KIF16B: variants seen among roughly 807,000 people sequenced by gnomAD.
The protein encoded by KIF16B is kinesin family member 16B, also known as kinesin-like protein KIF16B.
Under a neutral mutation model 156.3 loss-of-function variants are expected in KIF16B, and 98 were observed. The observed-to-expected ratio is 0.63, with a 90% CI of 0.53 to 0.74. The LOEUF is 0.74. Ranked by LOEUF, KIF16B falls within the 30% of genes least tolerant of loss-of-function variation. The pLI is 0.00. For missense variants in KIF16B, 1,421 were observed against 1,606.5 expected, an observed-to-expected ratio of 0.88 and a Z score of 1.97; for synonymous variants, 564 against 583.7, an observed-to-expected ratio of 0.97 and a Z score of 0.49.
At chr20:16,350,557 G>A (rs2064317424) in intron 23 of KIF16B, among the ~76,000 whole-genome samples, 1 of 152,078 alleles carries the variant, frequency 6.6e-6, no homozygotes, top group Non-Finnish European at 1.5e-5. Flanking sequence ...GGGGAGGAGG[G>A]AAGATGGGAG....
intron 12 of KIF16B, among the ~76,000 whole-genome samples, chr20:16,487,299 T>C (rs576641157): frequency 1.4e-3 from 214 of 151,428 alleles, no homozygotes; most frequent in African/African-American, 4.8e-3. Flanking sequence ...CCACAAAAAA[T>C]GTTGTCTCTC....
At chr20:16,444,340 T>G (rs1174603781) in intron 12 of KIF16B, among the ~76,000 whole-genome samples, 2 of 151,974 alleles carry the variant, frequency 1.3e-5, no homozygotes, top group African/African-American at 4.8e-5. Context: ...ATGGCTGGAA[T>G]GCTAAGAGTG....
chr20:16,559,598 A>G (rs2070983405), intron 1 of KIF16B, among the ~76,000 whole-genome samples: 1 of 140,448 alleles, frequency 7.1e-6, no homozygotes, highest in African/African-American at 2.7e-5. Flanking sequence ...AGGAGACCCC[A>G]TCTCTACAAA....
chr20:16,380,021 G>A lies in KIF16B; in HGVS notation c.1981C>T (p.Arg661Cys), dbSNP rs754829888. The part of the protein sequence containing the change: ...IRKQEESLKR[R>C]SFHIENKLKD... ...AGCTTGTTCTCGATGTGGAAGCTGC[G>A]GCGTTTGAGGCTCTCCTCCTGCTTG... is the stretch of plus-strand genomic sequence containing the variant. The change falls in exon 19 of 26, where the codon CGC becomes TGC. Residue 661 changes from arginine to cysteine, a missense_variant. Physicochemically the swap from Arg to Cys is radical, Grantham distance 180. Transcript: ENST00000354981. 37 of 1,596,602 alleles carry A rather than the reference G, an allele frequency of 2.3e-5. No individual in the cohort carries two copies. The highest frequency in any genetic ancestry group is 2.8e-5 in the Non-Finnish European group (33 of 1,173,118).
At chr20:16,443,618 C>T (rs994040553) in intron 12 of KIF16B, among the ~76,000 whole-genome samples, 1 of 152,156 alleles carries the variant, frequency 6.6e-6, no homozygotes, top group Admixed American at 6.6e-5. Context: ...CAATACTTTA[C>T]ACAAGTATTC....
At chr20:16,552,577 C>T (rs1293274799) in intron 1 of KIF16B, among the ~76,000 whole-genome samples, 2 of 152,144 alleles carry the variant, frequency 1.3e-5, no homozygotes, top group South Asian at 4.1e-4. Flanking sequence ...TTCCACAGCA[C>T]CACAGCATCC....
chr20:16,439,869 C>T (rs111410887), intron 12 of KIF16B, among the ~76,000 whole-genome samples: 17,157 of 152,076 alleles, frequency 0.11, 1,187 homozygotes, highest in Non-Finnish European at 0.17. Flanking sequence ...GAAAGACCTG[C>T]CCCCGTGATT....
chr20:16,487,483 CTT>C (rs1369035599), intron 12 of KIF16B, among the ~76,000 whole-genome samples: 3 of 152,124 alleles, frequency 2.0e-5, no homozygotes, highest in Non-Finnish European at 4.4e-5. Context: ...CAATACACAT[CTT>C]CTCCACAAAA....
Position 16,486,860 on chromosome 20 carries a change from C to T in KIF16B, c.1302+7431G>A, listed in dbSNP as rs6044013. Among the ~76,000 whole-genome samples the T allele has an allele frequency of 1.5e-3, 223 of 152,244 alleles. 1 individual carries two copies. The highest frequency in any genetic ancestry group is 4.8e-3 in the African/African-American group (201 of 41,534). The stretch of plus-strand genomic sequence containing the variant: ...AACCCATGGCTGAAAGAAATGTCTC[C>T]TCCTTCATCTAAAATCTAGGAGAAA... On this transcript the variant is annotated intron_variant, in intron 12 of 25. Transcript: ENST00000354981.
rs778263383 is a variant in KIF16B, at chr20:16,379,110, G to A, written c.2892C>T (p.Asn964=). 6.2e-7 allele frequency: 1 copy of A among 1,613,256 alleles called. No homozygotes were observed. Among genetic ancestry groups the A allele is most frequent in the Non-Finnish European group, 8.5e-7 (1 of 1,179,520 alleles). The change falls in exon 19 of 26, where the codon AAC becomes AAT. Residue 964 remains asparagine (N), a synonymous_variant. Coordinates refer to ENST00000354981, the MANE Select transcript of KIF16B (RefSeq NM_024704.5). ...AGGTGGCTTGGAGCTTTTGCAGCTG[G>A]TTTGCATTGGCCTGGTACTGTGCAA... The part of the protein sequence containing the change: ...EQLAQYQANA[N]QLQKLQATFE...
intron 17 of KIF16B, among the ~76,000 whole-genome samples, chr20:16,403,053 G>T (rs1022355148): frequency 3.9e-5 from 6 of 152,160 alleles, no homozygotes; most frequent in African/African-American, 1.4e-4. Flanking sequence ...TAGCGTTTTG[G>T]TTTTCAAAGC....
chr20:16,472,415 A>G (rs1390059814), intron 12 of KIF16B, among the ~76,000 whole-genome samples: 1 of 152,104 alleles, frequency 6.6e-6, no homozygotes, highest in Non-Finnish European at 1.5e-5. Flanking sequence ...ATTGAGTCAC[A>G]AGCAGCCAAG....
intron 23 of KIF16B, among the ~76,000 whole-genome samples, chr20:16,352,415 G>C (rs2064355612): frequency 6.6e-6 from 1 of 152,158 alleles, no homozygotes; most frequent in Non-Finnish European, 1.5e-5. Flanking sequence ...GAATTAAATA[G>C]ATTTTGGTTT....
chr20:16,448,308 T>A (rs537870093), intron 12 of KIF16B, among the ~76,000 whole-genome samples: 1 of 151,992 alleles, frequency 6.6e-6, no homozygotes, highest in Non-Finnish European at 1.5e-5. Flanking sequence ...TATGCTAAGA[T>A]AAAAAATGCA....
In KIF16B at chr20:16,312,366, C is replaced by T. The variant is rs201416098; in HGVS notation, c.3764G>A (p.Arg1255His). The part of the protein sequence containing the change: ...PKKLFGNKDE[R>H]VIAERRSHLE... ...GTGACTTCGTCTCTCAGCAATCACA[C>T]GTTCATCCTTATTTCCAAATAGTTT... Residue 1255 changes from arginine to histidine, a missense_variant, in exon 25 of 26, where the codon CGT (arginine) becomes CAT (histidine). Arg to His is a conservative substitution (Grantham distance 29). Coordinates refer to ENST00000354981, the MANE Select transcript of KIF16B (RefSeq NM_024704.5). The T allele has an allele frequency of 9.2e-5, 148 of 1,613,542 alleles. No homozygotes were observed. Among genetic ancestry groups the T allele is most frequent in the Admixed American group, 6.2e-4 (37 of 60,012 alleles).
chr20:16,466,431 G>T (rs189673312), intron 12 of KIF16B, among the ~76,000 whole-genome samples: 2 of 152,192 alleles, frequency 1.3e-5, no homozygotes, highest in Admixed American at 6.5e-5. Flanking sequence ...TAATCCCCAC[G>T]TGTCGTGGGA....
intron 1 of KIF16B, among the ~76,000 whole-genome samples, chr20:16,555,647 A>C (rs1391821964): frequency 6.6e-6 from 1 of 152,250 alleles, no homozygotes; most frequent in Non-Finnish European, 1.5e-5. Flanking sequence ...AATATGCTTC[A>C]AGGGCTTAAG....
At chr20:16,551,385 T>C (rs2070655949) in intron 1 of KIF16B, among the ~76,000 whole-genome samples, 1 of 152,192 alleles carries the variant, frequency 6.6e-6, no homozygotes, top group African/African-American at 2.4e-5. Context: ...CGCCTCAGCC[T>C]CCCAAAGTGC....
At chr20:16,573,120 G>T in intron 1 of KIF16B, 109 bp downstream of exon 1, 2 of 1,114,350 alleles carry the variant, frequency 1.8e-6, no homozygotes, top group Non-Finnish European at 2.6e-6. Context: ...GTGGGCCAGG[G>T]ACCAGCCGGT....
Sources: allele counts gnomAD v4.1 joint callset (sites outside exome capture counted in the v4.1 genomes callset), GRCh38; gene constraint gnomAD v4.1.1; transcripts MANE v1.5; gene names NCBI Gene and HGNC (gene_info 2026-07-23, HGNC 2026-07-21).